The following PRKD1 variants were observed in gnomAD, a reference collection of about 807,000 sequenced individuals.
PRKD1 encodes the protein serine/threonine-protein kinase D1.
In PRKD1, 63 loss-of-function variants were observed where a neutral mutation model predicts 95.9. The observed-to-expected ratio is 0.66, with a 90% CI of 0.54 to 0.81. The LOEUF is 0.81. Ranked by LOEUF, PRKD1 falls within the 30% of genes least tolerant of loss-of-function variation. The pLI, the probability that PRKD1 is intolerant of heterozygous loss-of-function variation, is 0.00. For missense variants in PRKD1, 1,048 were observed against 1,165.3 expected (o/e 0.90, Z 1.47); for synonymous variants, 425 against 423.1 (o/e 1.00, Z -0.05).
At chr14:29,581,010 C>T (rs1421397560) in intron 16 of PRKD1, among the ~76,000 whole-genome samples, 1 of 151,240 alleles carries the variant, frequency 6.6e-6, no homozygotes, top group East Asian at 1.9e-4. Flanking sequence ...CATTCTGAAT[C>T]TTTGACCTTT....
At chr14:29,681,392 A>G (rs934904274) in intron 2 of PRKD1, among the ~76,000 whole-genome samples, 5 of 152,206 alleles carry the variant, frequency 3.3e-5, no homozygotes, top group Non-Finnish European at 7.3e-5. Flanking sequence ...AAAGGAAAAA[A>G]AAAATAGGAG....
At chr14:29,807,398 T>TA (rs1890280627) in intron 1 of PRKD1, among the ~76,000 whole-genome samples, 3 of 151,454 alleles carry the variant, frequency 2.0e-5, no homozygotes, top group African/African-American at 2.4e-5. Context: ...TCCTCTTTTT[T>TA]TAAAAAAAAA....
rs45567538 is a variant in PRKD1, at chr14:29,641,184, C to T, written c.697-2280G>A. Among the ~76,000 whole-genome samples the T allele has an allele frequency of 3.1e-3, 475 of 152,300 alleles. 2 individuals are homozygous for T. The highest frequency in any genetic ancestry group is 0.011 in the African/African-American group (444 of 41,562). The stretch of plus-strand genomic sequence containing the variant: ...ATAATGAGATTTACACAGCCAGCCA[C>T]ATGTGTCCTTGGCACAGAATATGTA... On this transcript the variant is annotated intron_variant, in intron 4 of 17. Coordinates refer to ENST00000331968, the MANE Select transcript of PRKD1 (RefSeq NM_002742.3).
chr14:29,630,524 A>G (rs1326928697), intron 10 of PRKD1: 1 of 577,732 alleles, frequency 1.7e-6, no homozygotes, highest in Non-Finnish European at 3.0e-6. Flanking sequence ...TTAAATTTTA[A>G]TATAAAATAG....
At chr14:29,852,656 C>G (rs1023227923) in intron 1 of PRKD1, among the ~76,000 whole-genome samples, 3 of 151,876 alleles carry the variant, frequency 2.0e-5, no homozygotes, top group Non-Finnish European at 4.4e-5. Context: ...GGATTGGGAA[C>G]AAAGCTGTAA....
chr14:29,833,358 T>A (rs1891488913), intron 1 of PRKD1, among the ~76,000 whole-genome samples: 2 of 152,100 alleles, frequency 1.3e-5, no homozygotes, highest in African/African-American at 4.8e-5. Context: ...ATTGTCGAAA[T>A]TCTATTCTTT....
At chr14:29,601,056 G>C (rs1260245376) in intron 13 of PRKD1, among the ~76,000 whole-genome samples, 4 of 152,006 alleles carry the variant, frequency 2.6e-5, no homozygotes, top group Non-Finnish European at 4.4e-5. Context: ...AAAATTAAAT[G>C]CTTCTTTATT....
chr14:29,804,438 A>C (rs2139226303), intron 1 of PRKD1, among the ~76,000 whole-genome samples: 1 of 152,254 alleles, frequency 6.6e-6, no homozygotes, highest in South Asian at 2.1e-4. Flanking sequence ...TAACCCACGA[A>C]CATGTCCAAT....
chr14:29,674,815 C>A (rs1006045186), intron 2 of PRKD1, among the ~76,000 whole-genome samples: 1 of 152,178 alleles, frequency 6.6e-6, no homozygotes, highest in Non-Finnish European at 1.5e-5. Context: ...GGCAGCAGGG[C>A]TTCTCAGGAC....
At chr14:29,582,457 CTA>C (rs1435368225) in intron 16 of PRKD1, among the ~76,000 whole-genome samples, 4 of 152,110 alleles carry the variant, frequency 2.6e-5, no homozygotes, top group African/African-American at 9.7e-5. Context: ...CTCATTTTAT[CTA>C]TGATTTATTA....
At chr14:29,652,741 A>G (rs1881588336) in intron 4 of PRKD1, 1 of 152,228 alleles carries the variant, frequency 6.6e-6, no homozygotes, top group Non-Finnish European at 1.5e-5. Flanking sequence ...ATGACTTTTT[A>G]TTTCAGAGAA....
intron 2 of PRKD1, among the ~76,000 whole-genome samples, chr14:29,676,492 T>A (rs968729335): frequency 6.6e-5 from 10 of 152,140 alleles, no homozygotes; most frequent in Non-Finnish European, 1.2e-4. Context: ...ATAGCTGGGT[T>A]TACAGGCATG....
intron 1 of PRKD1, among the ~76,000 whole-genome samples, chr14:29,872,151 GGAA>G (rs1893130012): frequency 6.6e-6 from 1 of 152,166 alleles, no homozygotes; most frequent in Non-Finnish European, 1.5e-5. Context: ...AACCCATTGA[GGAA>G]GAAGTTTATG....
rs377212196 is a variant in PRKD1 at position 29,688,948 on chromosome 14, CAAAAAAAAAAAAA to C, written c.404-22753_404-22741del. Among the ~76,000 whole-genome samples the C allele has an allele frequency of 1.3e-3, 42 of 32,504 alleles. 1 individual carries two copies. The highest frequency in any genetic ancestry group is 3.0e-3 in the South Asian group (2 of 676). 21.3% of individuals were successfully genotyped at this position (32,504 alleles called of 152,430 possible). On this transcript the variant is annotated intron_variant, in intron 2 of 17. Coordinates refer to ENST00000331968, the MANE Select transcript of PRKD1 (RefSeq NM_002742.3). Reference sequence around the variant, plus strand: ...TGGGTGATAGAGCGAGACTCCGTCTCAAAAAAAAAAAAAAAAAAAAAAAAAGAAAGAAAAAAAA... The same window carrying C: ...TGGGTGATAGAGCGAGACTCCGTCTCAAAAAAAAAAAAGAAAGAAAAAAAA...
At chr14:29,607,049 C>G (rs1328228910) in intron 13 of PRKD1, among the ~76,000 whole-genome samples, 2 of 152,118 alleles carry the variant, frequency 1.3e-5, no homozygotes, top group African/African-American at 4.8e-5. Context: ...ACAGTCAGGT[C>G]TCATTATTTA....
At chr14:29,663,410 G>A (rs559595967) in intron 4 of PRKD1, among the ~76,000 whole-genome samples, 2 of 152,054 alleles carry the variant, frequency 1.3e-5, no homozygotes, top group East Asian at 3.9e-4. Flanking sequence ...TTTGACAAGC[G>A]ATGTTTTGCA....
chr14:29,894,755 G>C (rs1894061698), intron 1 of PRKD1, among the ~76,000 whole-genome samples: 1 of 152,112 alleles, frequency 6.6e-6, no homozygotes, highest in African/African-American at 2.4e-5. Context: ...TATTGAGAAT[G>C]GTTTCTCAGT....
intron 2 of PRKD1, among the ~76,000 whole-genome samples, chr14:29,673,154 T>G (rs921590108): frequency 6.6e-6 from 1 of 152,220 alleles, no homozygotes; most frequent in African/African-American, 2.4e-5. Context: ...ATACAAACTA[T>G]GCACAATTAT....
At chr14:29,727,099 T>C (rs1254636492) in intron 1 of PRKD1, among the ~76,000 whole-genome samples, 1 of 152,118 alleles carries the variant, frequency 6.6e-6, no homozygotes, top group African/African-American at 2.4e-5. Context: ...TTCTAACTGG[T>C]GTGTAATGAT....
Sources: allele counts gnomAD v4.1 joint callset (sites outside exome capture counted in the v4.1 genomes callset), GRCh38; gene constraint gnomAD v4.1.1; transcripts MANE v1.5; gene names NCBI Gene and HGNC (gene_info 2026-07-23, HGNC 2026-07-21).